The following AGBL1 variants were observed in gnomAD, a reference collection of about 807,000 sequenced individuals.
AGBL1 encodes AGBL carboxypeptidase 1.
A neutral mutation model predicts 118.9 loss-of-function variants in AGBL1; 130 were observed. That is an observed-to-expected ratio of 1.09 (90% CI 0.95 to 1.26). The LOEUF (loss-of-function observed/expected upper bound fraction) is 1.26. Among genes scored for constraint, AGBL1 ranks in the 50% most tolerant of loss-of-function variants. The pLI is 0.00. For synonymous variants in AGBL1, 555 were observed against 478.9 expected, an observed-to-expected ratio of 1.16 and a Z score of -2.08; for missense variants, 1,584 against 1,298.1, an observed-to-expected ratio of 1.22 and a Z score of -3.38.
intron 24 of AGBL1, among the ~76,000 whole-genome samples, chr15:87,019,811 A>T (rs2081643945): frequency 6.6e-6 from 1 of 152,014 alleles, no homozygotes; most frequent in African/African-American, 2.4e-5. Context: ...CCCAAAATTC[A>T]AAAATCAACA....
intron 1 of AGBL1, among the ~76,000 whole-genome samples, chr15:86,091,368 G>T (rs1260960256): frequency 2.6e-5 from 4 of 152,108 alleles, no homozygotes; most frequent in Non-Finnish European, 5.9e-5. Context: ...GACCCCCTTT[G>T]CTCTTTGACC....
chr15:86,790,604 G>T (rs1159895763), intron 22 of AGBL1, among the ~76,000 whole-genome samples: 1 of 151,888 alleles, frequency 6.6e-6, no homozygotes, highest in Non-Finnish European at 1.5e-5. Context: ...GGGTTCCTAT[G>T]GTTTTTTAAT....
At chr15:86,196,868 TGCGC>T (rs149539990) in intron 5 of AGBL1, among the ~76,000 whole-genome samples, 1 of 95,718 alleles carries the variant, frequency 1.0e-5, no homozygotes, top group Admixed American at 1.1e-4. Context: ...TGTGCACATG[TGCGC>T]GCGCGCGCAC....
Position 86,723,699 on chromosome 15 carries a change from C to T in AGBL1, c.3158+49263C>T, listed in dbSNP as rs142294999. Among the ~76,000 whole-genome samples the T allele has an allele frequency of 1.5e-3, 221 of 151,308 alleles. 1 individual carries two copies. Among genetic ancestry groups the T allele is most frequent in the African/African-American group, 4.9e-3 (204 of 41,294 alleles). ...AAGCAAATTGATGGATTTGACTAAA[C>T]GGAAAACTAGAACTTATATATGGCA... is the stretch of plus-strand genomic sequence containing the variant. On this transcript the variant is annotated intron_variant, in intron 22 of 22. Coordinates refer to ENST00000614907, the MANE Select transcript of AGBL1 (RefSeq NM_001386094.1).
intron 22 of AGBL1, among the ~76,000 whole-genome samples, chr15:86,702,572 A>G (rs994803915): frequency 6.6e-6 from 1 of 152,164 alleles, no homozygotes; most frequent in East Asian, 1.9e-4. Context: ...CTCCATAGGA[A>G]CTACTTTCAA....
At chr15:86,846,221 C>T (rs1482998667) in intron 22 of AGBL1, among the ~76,000 whole-genome samples, 1 of 152,140 alleles carries the variant, frequency 6.6e-6, no homozygotes, top group South Asian at 2.1e-4. Context: ...CTCTCTCAAG[C>T]TTTGATTGTC....
chr15:86,646,514 G>A (rs987777154), intron 21 of AGBL1, among the ~76,000 whole-genome samples: 21 of 152,116 alleles, frequency 1.4e-4, no homozygotes, highest in African/African-American at 4.8e-4. Context: ...CCTAACCTGA[G>A]AGGAAAGGGA....
In AGBL1 at chr15:86,271,679, G is replaced by C; in HGVS notation, c.2048G>C (p.Arg683Thr). 2 of 1,613,384 alleles carry C rather than the reference G, an allele frequency of 1.2e-6. No individual in the cohort carries two copies. The highest frequency in any genetic ancestry group is 2.2e-5 in the East Asian group (1 of 44,858). ...EALLGKPTWI[R>T]TGHEICYYKN... ...CTTCTTGGCAAACCCACCTGGATAA[G>C]GACAGGCCATGAAATATGTTATTAC... The change falls in exon 15 of 23, where the codon AGG (arginine) becomes ACG (threonine). Residue 683 changes from arginine (R) to threonine (T), a missense_variant. By Grantham distance (71) the Arg-to-Thr change is moderately conservative (BLOSUM62 -1). Coordinates refer to ENST00000614907, the MANE Select transcript of AGBL1 (RefSeq NM_001386094.1).
chr15:86,580,805 C>A (rs1357381244), intron 21 of AGBL1, among the ~76,000 whole-genome samples: 1 of 152,118 alleles, frequency 6.6e-6, no homozygotes. Flanking sequence ...AGAACTTAGT[C>A]CTCCTATCTA....
rs150678145 is a variant in AGBL1 at position 86,199,078 on chromosome 15, A to G, written c.489-25836A>G. On this transcript the variant is annotated intron_variant, in intron 5 of 22. Transcript: ENST00000614907. Reference sequence around the variant, plus strand: ...CATATGTTTGTGTATGTATACATACATTAATCATTATACATACATGCTTTG... The same window carrying G: ...CATATGTTTGTGTATGTATACATACGTTAATCATTATACATACATGCTTTG... 1.3e-4 allele frequency among the ~76,000 whole-genome samples: 20 copies of G among 152,328 alleles called. No individual in the cohort carries two copies. The East Asian group carries it at 2.3e-3, about 18-fold the overall frequency.
chr15:86,148,443 G>A (rs2077061201), intron 3 of AGBL1, among the ~76,000 whole-genome samples: 1 of 152,094 alleles, frequency 6.6e-6, no homozygotes, highest in Non-Finnish European at 1.5e-5. Context: ...TGACCTGATG[G>A]AGCTGAAAAA....
chr15:86,717,951 A>G (rs1212592085), intron 22 of AGBL1, among the ~76,000 whole-genome samples: 4 of 152,026 alleles, frequency 2.6e-5, no homozygotes, highest in East Asian at 3.9e-4. Flanking sequence ...GATGGCATGC[A>G]CCTGTAATCT....
chr15:86,127,725 T>A (rs1397402741), intron 1 of AGBL1, among the ~76,000 whole-genome samples: 2 of 152,212 alleles, frequency 1.3e-5, no homozygotes, highest in African/African-American at 4.8e-5. Flanking sequence ...AACATGTGAC[T>A]GAGTTTTGAT....
Position 86,733,582 on chromosome 15 carries a change from C to G in AGBL1, c.3158+59146C>G, listed in dbSNP as rs138722581. Among the ~76,000 whole-genome samples, 57 of 152,282 alleles carry G rather than the reference C, an allele frequency of 3.7e-4. No homozygotes were observed. The East Asian group carries it at 0.011, about 29-fold the overall frequency. ...GTAACTATAATATAAGCATTAACTA[C>G]TATTATTCCCAGTGGTTTGTTGTTG... is the stretch of plus-strand genomic sequence containing the variant. On this transcript the variant is annotated intron_variant, in intron 22 of 22. Transcript: ENST00000614907.
chr15:86,141,043 T>C (rs2076956207), intron 1 of AGBL1, among the ~76,000 whole-genome samples: 1 of 152,156 alleles, frequency 6.6e-6, no homozygotes, highest in Admixed American at 6.5e-5. Context: ...TAAAATACCC[T>C]CTCCTCCAAA....
intron 22 of AGBL1, among the ~76,000 whole-genome samples, chr15:86,819,659 A>T (rs781537818): frequency 2.6e-5 from 4 of 152,194 alleles, no homozygotes; most frequent in Non-Finnish European, 5.9e-5. Flanking sequence ...AAACACATGG[A>T]AAAACATTCC....
chr15:86,702,345 TAGC>T (rs373741322), intron 22 of AGBL1, among the ~76,000 whole-genome samples: 1,586 of 152,254 alleles, frequency 0.01, 13 homozygotes, highest in Middle Eastern at 0.027. Flanking sequence ...AGTGGAACTC[TAGC>T]AGGACAGAGA....
chr15:86,525,941 G>C (rs2083256701), intron 19 of AGBL1, among the ~76,000 whole-genome samples: 1 of 152,094 alleles, frequency 6.6e-6, no homozygotes, highest in Non-Finnish European at 1.5e-5. Context: ...TACAGAATGG[G>C]AGAAAATGTT....
chr15:86,379,105 G>T (rs1325261206), intron 17 of AGBL1, among the ~76,000 whole-genome samples: 1 of 151,754 alleles, frequency 6.6e-6, no homozygotes, highest in Non-Finnish European at 1.5e-5. Context: ...TAAAGGTGGG[G>T]TTTCACCGTG....
Sources: allele counts gnomAD v4.1 joint callset (sites outside exome capture counted in the v4.1 genomes callset), GRCh38; gene constraint gnomAD v4.1.1; transcripts MANE v1.5; gene names NCBI Gene and HGNC (gene_info 2026-07-23, HGNC 2026-07-21).